The following KIAA0586 variants were observed in gnomAD, a reference collection of about 807,000 sequenced individuals.
The protein encoded by KIAA0586 is protein TALPID3.
Under a neutral mutation model 169.8 loss-of-function variants are expected in KIAA0586, and 144 were observed. That is an observed-to-expected ratio of 0.85 (90% confidence interval 0.74 to 0.97). KIAA0586 has a LOEUF of 0.97. Among genes scored for constraint, KIAA0586 ranks in the 50% least tolerant of loss-of-function variants. The probability of loss-of-function intolerance (pLI) is 0.00; values close to 1 mark genes in which losing one functional copy is unlikely to be tolerated. For synonymous variants in KIAA0586, 625 were observed against 612.4 expected, an observed-to-expected ratio of 1.02 and a Z score of -0.30; for missense variants, 1,854 against 1,823.0, an observed-to-expected ratio of 1.02 and a Z score of -0.31.
intron 24 of KIAA0586, among the ~76,000 whole-genome samples, chr14:58,489,326 A>T (rs2042686645): frequency 6.7e-6 from 1 of 148,204 alleles, no homozygotes; most frequent in Non-Finnish European, 1.5e-5. Flanking sequence ...CTCAAGTGAT[A>T]CTCCCACCTC....
At chr14:58,540,340 C>T (rs2046567156) in intron 30 of KIAA0586, among the ~76,000 whole-genome samples, 1 of 152,172 alleles carries the variant, frequency 6.6e-6, no homozygotes, top group Non-Finnish European at 1.5e-5. Context: ...GAAAACCTAT[C>T]GTTTCGCTTT....
At chr14:58,546,426 T>C (rs1276523252) in intron 30 of KIAA0586, among the ~76,000 whole-genome samples, 2 of 152,200 alleles carry the variant, frequency 1.3e-5, no homozygotes, top group African/African-American at 4.8e-5. Flanking sequence ...AAAAATTTAA[T>C]GAAAAATTCT....
intron 29 of KIAA0586, among the ~76,000 whole-genome samples, chr14:58,525,848 C>G (rs561906708): frequency 2.0e-5 from 3 of 152,332 alleles, no homozygotes; most frequent in Admixed American, 2.0e-4. Context: ...AGTCTGAAGT[C>G]GACCTGGGAT....
At chr14:58,432,047 T>C (rs998641275) in intron 3 of KIAA0586, among the ~76,000 whole-genome samples, 3 of 152,306 alleles carry the variant, frequency 2.0e-5, no homozygotes, top group African/African-American at 7.2e-5. Flanking sequence ...TTTTACTTTT[T>C]GGATGCCTTT....
intron 26 of KIAA0586, among the ~76,000 whole-genome samples, chr14:58,496,496 G>A (rs1161560860): frequency 6.6e-6 from 1 of 152,108 alleles, no homozygotes; most frequent in Non-Finnish European, 1.5e-5. Context: ...TCTAAACACT[G>A]CCCAAGAGTC....
At chr14:58,475,969 A>C (rs1748993) in intron 19 of KIAA0586, among the ~76,000 whole-genome samples, 46,449 of 151,944 alleles carry the variant, frequency 0.31, 8,657 homozygotes, top group East Asian at 0.51. Context: ...GCGATGGTGC[A>C]CACCTGTGGT....
At chr14:58,489,692 C>T (rs2042710809) in intron 24 of KIAA0586, among the ~76,000 whole-genome samples, 1 of 152,104 alleles carries the variant, frequency 6.6e-6, no homozygotes, top group South Asian at 2.1e-4. Flanking sequence ...TAATTACCAT[C>T]CTTTCATGTA....
chr14:58,541,838 C>T lies in KIAA0586; in HGVS notation c.4495+1702C>T, dbSNP rs556676760. 7.9e-5 allele frequency among the ~76,000 whole-genome samples: 12 copies of T among 152,284 alleles called. No homozygotes were observed. The South Asian group carries it at 2.5e-3, about 32-fold the overall frequency. ...CTTAAATGCATGCCAGGTTAAATGA[C>T]ACACTGCAAACCCATGGAATCAAGG... On this transcript the variant is annotated intron_variant, in intron 30 of 30. Transcript: ENST00000652326.
chr14:58,521,887 A>G (rs1472056684), intron 29 of KIAA0586: 105 of 1,270,734 alleles, frequency 8.3e-5, no homozygotes, highest in Middle Eastern at 2.0e-4. Flanking sequence ...GATGATGACA[A>G]TGAAGATGGG....
chr14:58,448,892 GCT>G (rs1355741797), intron 7 of KIAA0586, among the ~76,000 whole-genome samples: 6 of 151,920 alleles, frequency 3.9e-5, no homozygotes, highest in Non-Finnish European at 8.8e-5. Context: ...CTGCATATTT[GCT>G]CTTTCTTGAT....
intron 29 of KIAA0586, among the ~76,000 whole-genome samples, chr14:58,517,539 C>T (rs1446521862): frequency 6.6e-6 from 1 of 152,156 alleles, no homozygotes; most frequent in African/African-American, 2.4e-5. Flanking sequence ...CAGAATGCAA[C>T]ATGCACCTTG....
In KIAA0586 at chr14:58,496,377, AT is replaced by A. The variant is rs373055983; in HGVS notation, c.3991-2405del. On this transcript the variant is annotated intron_variant, in intron 26 of 30. Transcript: ENST00000652326. ...GTTAAATAGTTCAGCAGTTGCAAATATCCTAGAAAACAGATTCACAACAGAG... is the reference window on the plus strand; with the variant it reads ...GTTAAATAGTTCAGCAGTTGCAAATACCTAGAAAACAGATTCACAACAGAG... Among the ~76,000 whole-genome samples, 186 of 152,366 alleles carry A rather than the reference AT, an allele frequency of 1.2e-3. 2 individuals are homozygous for A. The highest frequency in any genetic ancestry group is 3.4e-3 in the Middle Eastern group (1 of 294).
At chr14:58,437,704 C>CAA (rs71107947) in intron 4 of KIAA0586, among the ~76,000 whole-genome samples, 32 of 61,596 alleles carry the variant, frequency 5.2e-4, no homozygotes, top group African/African-American at 5.4e-4. Context: ...GATCCTGTCT[C>CAA]AAAAAAAAAA....
chr14:58,470,454 T>A (rs970065117), intron 16 of KIAA0586, among the ~76,000 whole-genome samples, 159 bp from the exon 17 acceptor site: 1 of 152,096 alleles, frequency 6.6e-6, no homozygotes, highest in African/African-American at 2.4e-5. Flanking sequence ...AATTAAAAAA[T>A]TTTGTTATCC....
At chr14:58,475,990 C>T (rs532276293) in intron 19 of KIAA0586, among the ~76,000 whole-genome samples, 3 of 152,156 alleles carry the variant, frequency 2.0e-5, no homozygotes, top group Non-Finnish European at 4.4e-5. Context: ...CCCTGCCACT[C>T]GGGAGACTGA....
At chr14:58,472,074 G>A (rs575722864) in intron 17 of KIAA0586, 125 bp from the exon 18 acceptor site, 42 of 457,932 alleles carry the variant, frequency 9.2e-5, no homozygotes, top group African/African-American at 7.5e-4. Context: ...TCTGAATAGG[G>A]TATTAAAATG....
chr14:58,438,348 G>GT (rs1168890843), intron 4 of KIAA0586, among the ~76,000 whole-genome samples: 2 of 152,048 alleles, frequency 1.3e-5, no homozygotes. Flanking sequence ...TTGGGCAAAG[G>GT]TAAGTCACTT....
intron 29 of KIAA0586, 126 bp downstream of exon 29, chr14:58,512,753 C>A: frequency 1.8e-6 from 1 of 568,002 alleles, no homozygotes; most frequent in Non-Finnish European, 3.1e-6. Flanking sequence ...TTTGTTTTCT[C>A]TCATTTAGTC....
At chr14:58,515,639 A>G (rs1415169712) in intron 29 of KIAA0586, among the ~76,000 whole-genome samples, 1 of 152,124 alleles carries the variant, frequency 6.6e-6, no homozygotes, top group East Asian at 1.9e-4. Flanking sequence ...AAATCTTAAG[A>G]TATGATAGGG....
Sources: gnomAD v4.1 joint callset for allele counts (sites outside exome capture counted in the v4.1 genomes callset) on GRCh38, gnomAD v4.1.1 for gene constraint, MANE v1.5 for transcripts, NCBI Gene and HGNC (gene_info 2026-07-23, HGNC 2026-07-21) for gene names.